DNAI1: variants seen among roughly 807,000 people sequenced by gnomAD.
DNAI1 encodes dynein axonemal intermediate chain 1.
DNAI1 carries 67 observed loss-of-function variants against 92.0 expected under a neutral mutation model. That is an observed-to-expected ratio of 0.73 (90% CI 0.60 to 0.89). DNAI1 has a LOEUF of 0.89. Ranked by LOEUF, DNAI1 falls within the 40% of genes least tolerant of loss-of-function variation. DNAI1 has a pLI of 0.00. For missense variants in DNAI1, 839 were observed against 866.6 expected (o/e 0.97, Z 0.40); for synonymous variants, 323 against 319.6 (o/e 1.01, Z -0.11).
At chr9:34,475,852 G>T (rs1029318192) in intron 1 of DNAI1, among the ~76,000 whole-genome samples, 3 of 152,110 alleles carry the variant, frequency 2.0e-5, no homozygotes, top group Admixed American at 1.3e-4. Context: ...TATATTTATG[G>T]TAGAGAACAG....
At chr9:34,510,187 G>GT (rs1399859197) in intron 13 of DNAI1, among the ~76,000 whole-genome samples, 1 of 152,264 alleles carries the variant, frequency 6.6e-6, no homozygotes, top group Non-Finnish European at 1.5e-5. Flanking sequence ...TCTGTTGGCA[G>GT]TGGTGAGCCA....
At chr9:34,511,647 A>C (rs574574944) in intron 13 of DNAI1, among the ~76,000 whole-genome samples, 1 of 152,340 alleles carries the variant, frequency 6.6e-6, no homozygotes, top group Non-Finnish European at 1.5e-5. Flanking sequence ...AGGGCTTCAC[A>C]TATAGTATCT....
intron 1 of DNAI1, among the ~76,000 whole-genome samples, chr9:34,471,340 G>T (rs978216008): frequency 6.6e-6 from 1 of 151,344 alleles, no homozygotes; most frequent in African/African-American, 2.4e-5. Flanking sequence ...TGGGAGGGTC[G>T]CTTAAGCCCA....
chr9:34,471,294 A>C (rs1824128859), intron 1 of DNAI1, among the ~76,000 whole-genome samples: 1 of 151,602 alleles, frequency 6.6e-6, no homozygotes, highest in African/African-American at 2.4e-5. Flanking sequence ...GTGTGGTGGC[A>C]TTTGACTGTA....
At chr9:34,492,970 G>A (rs1325398727) in intron 8 of DNAI1, among the ~76,000 whole-genome samples, 2 of 152,018 alleles carry the variant, frequency 1.3e-5, no homozygotes, top group African/African-American at 2.4e-5. Context: ...TGGGTTTCAG[G>A]GTATGTAAGC....
rs776390032 is a variant in DNAI1 at position 34,500,765 on chromosome 9, G to A, written c.945G>A (p.Gln315=). Residue 315 remains glutamine (Q), a synonymous_variant, in exon 11 of 20, where the codon CAG becomes CAA. Coordinates refer to ENST00000242317, the MANE Select transcript of DNAI1 (RefSeq NM_012144.4). ...YDDAADEYRD[Q]VGTLLPLWKF... is the part of the protein sequence containing the mutation. ...ATGCTGCTGATGAATACCGGGACCA[G>A]GTGGGTACCCTGCTGCCGCTCTGGA... 7 of 1,613,972 alleles carry A rather than the reference G, an allele frequency of 4.3e-6. No individual in the cohort carries two copies. The African/African-American group carries it at 9.3e-5, about 22-fold the overall frequency.
chr9:34,479,190 CAT>C (rs1824293533), intron 1 of DNAI1, among the ~76,000 whole-genome samples: 1 of 152,132 alleles, frequency 6.6e-6, no homozygotes, highest in Non-Finnish European at 1.5e-5. Context: ...AGTCCTAGCA[CAT>C]GAGTGGTAGA....
At chr9:34,503,057 G>T (rs1824864883) in intron 12 of DNAI1, among the ~76,000 whole-genome samples, 2 of 152,190 alleles carry the variant, frequency 1.3e-5, no homozygotes, top group African/African-American at 4.8e-5. Flanking sequence ...GAGAAGGGGG[G>T]TGTGGAGACA....
chr9:34,464,266 C>T (rs773784064), intron 1 of DNAI1, among the ~76,000 whole-genome samples: 1 of 152,138 alleles, frequency 6.6e-6, no homozygotes, highest in African/African-American at 2.4e-5. Flanking sequence ...TGCCATCCCC[C>T]ACTCAGAACA....
At chr9:34,512,761 A>T (rs1057029072) in intron 15 of DNAI1, among the ~76,000 whole-genome samples, 1 of 152,148 alleles carries the variant, frequency 6.6e-6, no homozygotes, top group African/African-American at 2.4e-5. Flanking sequence ...GTTTATGCAG[A>T]CTATATCCCT....
At chr9:34,482,572 A>G (rs1824382502) in intron 1 of DNAI1, among the ~76,000 whole-genome samples, 1 of 151,960 alleles carries the variant, frequency 6.6e-6, no homozygotes, top group Admixed American at 6.6e-5. Flanking sequence ...AGCTAGATAC[A>G]GAGTGTTGAT....
chr9:34,517,037 G>T (rs995498456), intron 18 of DNAI1, among the ~76,000 whole-genome samples: 1 of 152,012 alleles, frequency 6.6e-6, no homozygotes, highest in Admixed American at 6.6e-5. Flanking sequence ...GAGCCACCAC[G>T]CCCAGCCTAT....
chr9:34,503,679 G>T (rs1028811539), intron 12 of DNAI1, among the ~76,000 whole-genome samples: 4 of 152,170 alleles, frequency 2.6e-5, no homozygotes, highest in African/African-American at 9.7e-5. Flanking sequence ...GAACAAGCAG[G>T]TAGAGAAAAG....
intron 1 of DNAI1, among the ~76,000 whole-genome samples, chr9:34,478,364 A>G (rs1824278579): frequency 6.6e-6 from 1 of 152,200 alleles, no homozygotes; most frequent in Non-Finnish European, 1.5e-5. Flanking sequence ...TTGAGGAGCC[A>G]TTGGAGAGAT....
chr9:34,495,578 T>C, intron 9 of DNAI1, among the ~76,000 whole-genome samples: 1 of 152,190 alleles, frequency 6.6e-6, no homozygotes, highest in East Asian at 1.9e-4. Context: ...GTTATTGATA[T>C]GCCATTTCAT....
At chr9:34,496,956 C>G (rs1824738211) in intron 9 of DNAI1, among the ~76,000 whole-genome samples, 159 bp from the exon 10 acceptor site, 1 of 152,206 alleles carries the variant, frequency 6.6e-6, no homozygotes, top group Non-Finnish European at 1.5e-5. Context: ...GTGGCATGAG[C>G]TGGGCCTTGA....
intron 1 of DNAI1, among the ~76,000 whole-genome samples, chr9:34,466,673 A>C (rs1448516454): frequency 6.6e-6 from 1 of 152,256 alleles, no homozygotes; most frequent in African/African-American, 2.4e-5. Context: ...TTATAAGTAC[A>C]TAGATAACCT....
chr9:34,480,231 G>A (rs867384492), intron 1 of DNAI1, among the ~76,000 whole-genome samples: 1 of 143,670 alleles, frequency 7.0e-6, no homozygotes, highest in Admixed American at 6.9e-5. Flanking sequence ...TATTTGTTCT[G>A]TATATATACT....
At position 34,490,313 on chromosome 9, in the gene DNAI1, G is replaced by A. The variant is rs981537177; in HGVS notation, c.502-56G>A. Reference sequence around the variant, plus strand: ...TAGGACAGGGCTTGCCCCATCTCCCGGTTTTCTACCACCTTCTCACAGCTG... The same window carrying A: ...TAGGACAGGGCTTGCCCCATCTCCCAGTTTTCTACCACCTTCTCACAGCTG... On this transcript the variant is annotated intron_variant, in intron 6 of 19. Coordinates refer to ENST00000242317, the MANE Select transcript of DNAI1 (RefSeq NM_012144.4). 19 of 1,613,898 alleles carry A rather than the reference G, an allele frequency of 1.2e-5. No homozygotes were observed. The East Asian group carries it at 1.8e-4, about 15-fold the overall frequency.
Sources: allele counts gnomAD v4.1 joint callset (sites outside exome capture counted in the v4.1 genomes callset), GRCh38; gene constraint gnomAD v4.1.1; transcripts MANE v1.5; gene names NCBI Gene and HGNC (gene_info 2026-07-23, HGNC 2026-07-21).